The following TBCD variants were observed in gnomAD, a reference collection of about 807,000 sequenced individuals.
TBCD encodes the protein tubulin-specific chaperone D.
TBCD carries 105 observed loss-of-function variants against 169.3 expected under a neutral mutation model. The ratio of observed to expected loss-of-function variants is 0.62; its 90% CI spans 0.53 to 0.73. TBCD has a LOEUF of 0.73. TBCD is among the 30% of genes least tolerant of loss of function. The probability of loss-of-function intolerance (pLI) is 0.00; values close to 1 mark genes in which losing one functional copy is unlikely to be tolerated. For missense variants in TBCD, 1,444 were observed against 1,600.1 expected, an observed-to-expected ratio of 0.90 and a Z score of 1.66; for synonymous variants, 700 against 643.9, an observed-to-expected ratio of 1.09 and a Z score of -1.32.
intron 19 of TBCD, among the ~76,000 whole-genome samples, chr17:82,905,224 C>T (rs1484116899): frequency 3.9e-5 from 6 of 152,220 alleles, no homozygotes; most frequent in Admixed American, 2.6e-4. Flanking sequence ...CCTGCCAGGA[C>T]CAGAGGCCAC....
intron 13 of TBCD, among the ~76,000 whole-genome samples, chr17:82,848,746 T>C (rs1768958500): frequency 6.6e-6 from 1 of 152,204 alleles, no homozygotes; most frequent in African/African-American, 2.4e-5. Flanking sequence ...AAAAGGTCAA[T>C]GGGCTTGATC....
chr17:82,821,953 T>C (rs1374096515), intron 13 of TBCD, among the ~76,000 whole-genome samples: 1 of 152,206 alleles, frequency 6.6e-6, no homozygotes, highest in East Asian at 1.9e-4. Context: ...TGTTATAAAT[T>C]TTGAAAAATG....
intron 13 of TBCD, among the ~76,000 whole-genome samples, chr17:82,855,421 C>T (rs527563929): frequency 6.6e-5 from 10 of 151,672 alleles, no homozygotes; most frequent in South Asian, 2.1e-4. Context: ...TGCATGCTAC[C>T]GTGCCCGGCT....
rs368042286 is a variant in TBCD at position 82,875,944 on chromosome 17, T to C, written c.1475+5564T>C. On this transcript the variant is annotated intron_variant, in intron 14 of 38. Coordinates refer to ENST00000355528, the MANE Select transcript of TBCD (RefSeq NM_005993.5). ...CTTGGGGGTTAGGAAAATTCAGCCATAGGCAGGTCCGATATGATTTGCAAC... is the reference window on the plus strand; with the variant it reads ...CTTGGGGGTTAGGAAAATTCAGCCACAGGCAGGTCCGATATGATTTGCAAC... Among the ~76,000 whole-genome samples the C allele has an allele frequency of 1.2e-4, 19 of 152,314 alleles. 1 individual carries two copies. The South Asian group carries it at 1.9e-3, about 15-fold the overall frequency.
At chr17:82,912,571 A>G (rs1440332093) in intron 23 of TBCD, among the ~76,000 whole-genome samples, 5 of 152,106 alleles carry the variant, frequency 3.3e-5, no homozygotes, top group Non-Finnish European at 5.9e-5. Flanking sequence ...TCGCTGTGGG[A>G]CTGTGAGTGT....
intron 13 of TBCD, among the ~76,000 whole-genome samples, chr17:82,856,231 C>T (rs559245702): frequency 1.3e-5 from 2 of 152,028 alleles, no homozygotes; most frequent in East Asian, 1.9e-4. Flanking sequence ...TAGAATTTTA[C>T]TCAACATACA....
At chr17:82,848,052 C>T (rs76659249) in intron 13 of TBCD, among the ~76,000 whole-genome samples, 3,348 of 152,276 alleles carry the variant, frequency 0.022, 145 homozygotes, top group African/African-American at 0.077. Context: ...TGTCTCTTGC[C>T]TGGTGAGTGT....
Position 82,920,228 on chromosome 17 carries a change from G to A in TBCD, c.2039-328G>A, listed in dbSNP as rs975236669. Among the ~76,000 whole-genome samples the A allele has an allele frequency of 4.6e-5, 7 of 152,228 alleles. No individual in the cohort carries two copies. Among genetic ancestry groups the A allele is most frequent in the Non-Finnish European group, 5.9e-5 (4 of 68,040 alleles). On this transcript the variant is annotated intron_variant, in intron 23 of 38. Transcript: ENST00000355528. This position sits in a 1 kb window ranked among gnomAD's most constrained non-coding sequence, Gnocchi z 4.1. ...AGGAGCAGAAGCCGCTATGCTTCCCGTACAGCCTGTCACAGGGACGTCTGC... is the reference window on the plus strand; with the variant it reads ...AGGAGCAGAAGCCGCTATGCTTCCCATACAGCCTGTCACAGGGACGTCTGC...
chr17:82,805,983 C>T lies in TBCD; in HGVS notation c.1059C>T (p.Asp353=), dbSNP rs377723771. 7.4e-6 allele frequency: 12 copies of T among 1,613,662 alleles called. No individual in the cohort carries two copies. Among genetic ancestry groups the T allele is most frequent in the African/African-American group, 2.7e-5 (2 of 74,914 alleles). ...ILTEDDDEDD[D]VPEGVERVIE... The stretch of plus-strand genomic sequence containing the variant: ...CCGAAGATGACGACGAAGATGACGA[C>T]GTCCCAGAGGGGGTGGAGCGTGTGA... The change falls in exon 10 of 39, where the codon GAC becomes GAT. Residue 353 remains aspartate (D), a synonymous_variant. Transcript: ENST00000355528.
intron 13 of TBCD, among the ~76,000 whole-genome samples, chr17:82,815,236 C>T (rs998009151): frequency 2.0e-5 from 3 of 152,194 alleles, no homozygotes; most frequent in African/African-American, 7.2e-5. Flanking sequence ...CACAGATTAC[C>T]CTGTGTAGCT....
At position 82,874,522 on chromosome 17, in the gene TBCD, G is replaced by A. The variant is rs759935518; in HGVS notation, c.1475+4142G>A. Among the ~76,000 whole-genome samples, 26 of 152,260 alleles carry A rather than the reference G, an allele frequency of 1.7e-4. No individual in the cohort carries two copies. Among genetic ancestry groups the A allele is most frequent in the East Asian group, 3.9e-4 (2 of 5,182 alleles). ...TCTGACGCCTCAGCCTGGAGCTGGC[G>A]TTGTGCCCCTCGCCCCTTTACCTGT... On this transcript the variant is annotated intron_variant, in intron 14 of 38. Coordinates refer to ENST00000355528, the MANE Select transcript of TBCD (RefSeq NM_005993.5). This position sits in a 1 kb window ranked among gnomAD's most constrained non-coding sequence, Gnocchi z 5.0.
chr17:82,797,033 C>T (rs2050154888), intron 7 of TBCD, among the ~76,000 whole-genome samples: 1 of 152,224 alleles, frequency 6.6e-6, no homozygotes, highest in Non-Finnish European at 1.5e-5. Flanking sequence ...AAAGGAAATT[C>T]ATTCGCGTTT....
chr17:82,858,720 G>A (rs1330926515), intron 13 of TBCD: 2 of 932,826 alleles, frequency 2.1e-6, no homozygotes, highest in East Asian at 2.3e-4. Context: ...TGACCCTCCT[G>A]TGGATGGAAA....
intron 38 of TBCD, 62 bp downstream of exon 38, chr17:82,941,545 G>A (rs771416413): frequency 1.1e-5 from 16 of 1,458,232 alleles, no homozygotes; most frequent in Non-Finnish European, 1.4e-5. Context: ...GAATGTTCTG[G>A]GGCCAGCGGC....
At chr17:82,925,166 G>T (rs951495008) in intron 27 of TBCD, 109 bp downstream of exon 27, 5 of 877,994 alleles carry the variant, frequency 5.7e-6, no homozygotes, top group Non-Finnish European at 8.6e-6. Context: ...AGTGCTTGTA[G>T]CTGGGAGGGG....
rs989660355 is a variant in TBCD, at chr17:82,806,900, G to A, written c.1088-708G>A. ...TGCTGGGCGGCTCTGAGTCCCGGGCGGGGCCCTGGGTCTGCCCCTTCCCCG... is the reference window on the plus strand; with the variant it reads ...TGCTGGGCGGCTCTGAGTCCCGGGCAGGGCCCTGGGTCTGCCCCTTCCCCG... On this transcript the variant is annotated intron_variant, in intron 10 of 38. Coordinates refer to ENST00000355528, the MANE Select transcript of TBCD (RefSeq NM_005993.5). The surrounding 1 kb of genome is among the most constrained non-coding windows in gnomAD (Gnocchi z 5.1). Among the ~76,000 whole-genome samples the A allele has an allele frequency of 1.3e-5, 2 of 152,210 alleles. No homozygotes were observed. The highest frequency in any genetic ancestry group is 4.8e-5 in the African/African-American group (2 of 41,458).
At chr17:82,822,111 C>T (rs1029670189) in intron 13 of TBCD, among the ~76,000 whole-genome samples, 1 of 152,180 alleles carries the variant, frequency 6.6e-6, no homozygotes, top group Non-Finnish European at 1.5e-5. Context: ...TGTTTTCTGG[C>T]TTCCAAAAGA....
chr17:82,878,246 C>T (rs573077825), intron 14 of TBCD, among the ~76,000 whole-genome samples: 15 of 109,306 alleles, frequency 1.4e-4, no homozygotes, highest in Non-Finnish European at 3.0e-4. Flanking sequence ...CTTTCTTGAT[C>T]TTGGGGCACT....
chr17:82,919,224 C>G (rs1207977197), intron 23 of TBCD, among the ~76,000 whole-genome samples: 1 of 152,156 alleles, frequency 6.6e-6, no homozygotes, highest in Admixed American at 6.5e-5. Context: ...CAGCCCCTCG[C>G]TGGGTTTTTC....
Sources: gnomAD v4.1 joint callset for allele counts (sites outside exome capture counted in the v4.1 genomes callset) on GRCh38, gnomAD v4.1.1 for gene constraint, Gnocchi (gnomAD v3.1) non-coding constraint, MANE v1.5 for transcripts, NCBI Gene and HGNC (gene_info 2026-07-23, HGNC 2026-07-21) for gene names.